The following USH2A variants were observed in gnomAD, a reference collection of about 807,000 sequenced individuals.
The protein encoded by USH2A is usherin, also known as Usher syndrome 2A (autosomal recessive, mild).
Under a neutral mutation model 538.9 loss-of-function variants are expected in USH2A, and 443 were observed. The ratio of observed to expected loss-of-function variants is 0.82; its 90% CI spans 0.76 to 0.89. The LOEUF (loss-of-function observed/expected upper bound fraction) is 0.89, where lower values mean the gene tolerates loss of function less well. Ranked by LOEUF, USH2A falls within the 40% of genes least tolerant of loss-of-function variation. The pLI, the probability that USH2A is intolerant of heterozygous loss-of-function variation, is 0.00. For missense variants in USH2A, 6,633 were observed against 6,324.8 expected (o/e 1.05, Z -1.65); for synonymous variants, 2,413 against 2,273.5 (o/e 1.06, Z -1.75).
chr1:215,963,042 A>T (rs186820733), intron 37 of USH2A, among the ~76,000 whole-genome samples: 42 of 152,172 alleles, frequency 2.8e-4, no homozygotes, highest in Non-Finnish European at 3.1e-4. Flanking sequence ...AACTAGCTGA[A>T]TTTCCCTATC....
intron 60 of USH2A, among the ~76,000 whole-genome samples, chr1:215,728,658 A>G (rs1455402698): frequency 6.6e-6 from 1 of 152,046 alleles, no homozygotes; most frequent in Non-Finnish European, 1.5e-5. Context: ...AACATGGAAA[A>G]CACAGAAGAA....
At chr1:215,890,026 T>C (rs1234717638) in intron 40 of USH2A, among the ~76,000 whole-genome samples, 1 of 152,192 alleles carries the variant, frequency 6.6e-6, no homozygotes, top group Non-Finnish European at 1.5e-5. Context: ...GAGGCTTTAC[T>C]GCTCTCTAGG....
At chr1:216,242,936 A>C (rs1442652900) in intron 13 of USH2A, among the ~76,000 whole-genome samples, 1 of 152,210 alleles carries the variant, frequency 6.6e-6, no homozygotes, top group Non-Finnish European at 1.5e-5. Flanking sequence ...ACTACACATA[A>C]AATGTTCTCT....
rs56829872 is a variant in USH2A at position 215,879,003 on chromosome 1, G to A, written c.8319C>T (p.Ser2773=). Residue 2773 remains serine (S), a synonymous_variant, in exon 42 of 72, where the codon TCC becomes TCT. Transcript: ENST00000307340. The stretch of plus-strand genomic sequence containing the variant: ...GAGTAACTTTTTGACTTAACACTGC[G>A]GAAGTCACATTGGTTAAAGTGATGT... The part of the protein sequence containing the change: ...DPHITLTNVT[S]AVLSQKVTHL... The A allele has an allele frequency of 6.4e-4, 1,039 of 1,613,946 alleles. 7 individuals are homozygous for A. In the African/African-American group the frequency reaches 0.012, roughly 18 times the overall value.
At chr1:215,803,638 A>T (rs950445428) in intron 49 of USH2A, among the ~76,000 whole-genome samples, 1 of 152,216 alleles carries the variant, frequency 6.6e-6, no homozygotes, top group African/African-American at 2.4e-5. Context: ...AAAAGAGGAT[A>T]CAAACAAATG....
intron 70 of USH2A, among the ~76,000 whole-genome samples, chr1:215,633,131 G>T (rs116802618): frequency 8.5e-5 from 13 of 152,292 alleles, no homozygotes; most frequent in Admixed American, 3.9e-4. Context: ...CATAGAATGG[G>T]AGGTGACATT....
At chr1:215,907,768 G>C (rs1665677099) in intron 38 of USH2A, among the ~76,000 whole-genome samples, 2 of 151,972 alleles carry the variant, frequency 1.3e-5, no homozygotes, top group Admixed American at 6.6e-5. Context: ...AGTAATTAAA[G>C]AGATACCATG....
intron 38 of USH2A, among the ~76,000 whole-genome samples, chr1:215,926,199 T>G (rs1044547100): frequency 3.3e-5 from 4 of 119,676 alleles, no homozygotes; most frequent in Non-Finnish European, 6.7e-5. Flanking sequence ...CTAATTCTCT[T>G]AGAGACCCTG....
intron 4 of USH2A, among the ~76,000 whole-genome samples, chr1:216,344,768 T>G (rs996806946): frequency 3.3e-5 from 5 of 151,672 alleles, no homozygotes; most frequent in African/African-American, 1.2e-4. Context: ...CAAGGACACT[T>G]GACAGAACAT....
chr1:215,958,300 T>G (rs1032563616), intron 37 of USH2A, among the ~76,000 whole-genome samples: 18 of 152,138 alleles, frequency 1.2e-4, no homozygotes, highest in African/African-American at 4.1e-4. Context: ...TTAGAGCATT[T>G]GAATATACTG....
At chr1:216,362,983 G>T (rs1377743701) in intron 4 of USH2A, among the ~76,000 whole-genome samples, 2 of 150,980 alleles carry the variant, frequency 1.3e-5, no homozygotes, top group East Asian at 3.9e-4. Flanking sequence ...ATTATTTACT[G>T]ATATAGTTTA....
At chr1:215,963,307 T>A (rs944902470) in intron 37 of USH2A, among the ~76,000 whole-genome samples, 3 of 152,004 alleles carry the variant, frequency 2.0e-5, no homozygotes, top group African/African-American at 7.2e-5. Flanking sequence ...AAGACAATAT[T>A]CAAAATCCTT....
chr1:216,323,180 G>T (rs1234799466), intron 8 of USH2A, among the ~76,000 whole-genome samples: 1 of 150,198 alleles, frequency 6.7e-6, no homozygotes. Flanking sequence ...TCACTTCTAA[G>T]TCAGATTCAG....
intron 47 of USH2A, among the ~76,000 whole-genome samples, chr1:215,834,873 GTCTC>G (rs934115198): frequency 2.1e-5 from 3 of 143,170 alleles, no homozygotes; most frequent in African/African-American, 7.8e-5. Flanking sequence ...TTTTTTCTTT[GTCTC>G]TCTCTCTTTT....
At chr1:216,354,735 C>CT (rs200192899) in intron 4 of USH2A, among the ~76,000 whole-genome samples, 8,051 of 151,968 alleles carry the variant, frequency 0.053, 289 homozygotes, top group Middle Eastern at 0.11. Flanking sequence ...ACAAACAAAA[C>CT]TGTACCCAAT....
chr1:216,096,958 G>A (rs1452684457), intron 22 of USH2A, 125 bp downstream of exon 22: 1 of 1,018,322 alleles, frequency 9.8e-7, no homozygotes, highest in African/African-American at 1.6e-5. Flanking sequence ...GCAAAATGGG[G>A]ATAATAATAG....
intron 29 of USH2A, among the ~76,000 whole-genome samples, chr1:216,070,787 A>T (rs563082830): frequency 1.3e-5 from 2 of 148,264 alleles, no homozygotes. Flanking sequence ...TTGTTTTTCT[A>T]ATTAATTTTT....
At chr1:216,152,006 C>T (rs2033844969) in intron 21 of USH2A, among the ~76,000 whole-genome samples, 1 of 152,018 alleles carries the variant, frequency 6.6e-6, no homozygotes, top group African/African-American at 2.4e-5. Flanking sequence ...CTTCTAACAT[C>T]CCCACAATAT....
chr1:216,354,723 G>A lies in USH2A; in HGVS notation c.784+10230C>T, dbSNP rs535908592. 7.3e-5 allele frequency among the ~76,000 whole-genome samples: 11 copies of A among 150,526 alleles called. No individual in the cohort carries two copies. In the South Asian group the frequency reaches 1.5e-3, roughly 20 times the overall value. ...AAGAGTGGGGAAAATGAAAACAAAG[G>A]AACAAACAAAACTGTACCCAATATC... On this transcript the variant is annotated intron_variant, in intron 4 of 71. Transcript: ENST00000307340.
Sources: allele counts gnomAD v4.1 joint callset (sites outside exome capture counted in the v4.1 genomes callset), GRCh38; gene constraint gnomAD v4.1.1; transcripts MANE v1.5; gene names NCBI Gene and HGNC (gene_info 2026-07-23, HGNC 2026-07-21).